The following GPM6A variants were observed in gnomAD, a reference collection of about 807,000 sequenced individuals.
GPM6A encodes the protein neuronal membrane glycoprotein M6-a.
In GPM6A, 7 loss-of-function variants were observed where a neutral mutation model predicts 32.1. That is an observed-to-expected ratio of 0.22 (90% CI 0.12 to 0.41). The LOEUF (loss-of-function observed/expected upper bound fraction) is 0.41, where lower values mean the gene tolerates loss of function less well. Ranked by LOEUF, GPM6A falls within the 10% of genes least tolerant of loss-of-function variation. The pLI is 1.00. For synonymous variants in GPM6A, 130 were observed against 123.4 expected, an observed-to-expected ratio of 1.05 and a Z score of -0.35; for missense variants, 235 against 347.2, an observed-to-expected ratio of 0.68 and a Z score of 2.57.
At chr4:175,992,207 A>T (rs1741172064) in intron 1 of GPM6A, among the ~76,000 whole-genome samples, 2 of 152,096 alleles carry the variant, frequency 1.3e-5, no homozygotes, top group African/African-American at 4.8e-5. Context: ...AATAATATAT[A>T]ATGAGTTACA....
At chr4:175,706,604 G>C (rs1745203856) in intron 1 of GPM6A, among the ~76,000 whole-genome samples, 1 of 152,190 alleles carries the variant, frequency 6.6e-6, no homozygotes, top group South Asian at 2.1e-4. Context: ...TCATTATCAA[G>C]TGTCCAGAGA....
chr4:175,823,911 C>T (rs17062106), intron 1 of GPM6A, among the ~76,000 whole-genome samples: 9,486 of 152,220 alleles, frequency 0.062, 348 homozygotes, highest in East Asian at 0.11. Context: ...TGGACTTCTC[C>T]CAATGGGCAA....
chr4:175,643,610 T>C (rs906307992), intron 4 of GPM6A, among the ~76,000 whole-genome samples: 5 of 152,052 alleles, frequency 3.3e-5, no homozygotes, highest in Admixed American at 6.6e-5. Flanking sequence ...TAGTCAGACA[T>C]GAGCAGAGCA....
chr4:175,913,766 G>T (rs2111512619), intron 1 of GPM6A, among the ~76,000 whole-genome samples: 1 of 152,150 alleles, frequency 6.6e-6, no homozygotes, highest in Non-Finnish European at 1.5e-5. Context: ...GGCCTACTCT[G>T]ACCACTATAT....
At chr4:175,840,569 G>C (rs1005154385) in intron 1 of GPM6A, among the ~76,000 whole-genome samples, 1 of 152,168 alleles carries the variant, frequency 6.6e-6, no homozygotes, top group African/African-American at 2.4e-5. Context: ...AGCTACTCGG[G>C]AGGCTGAGGC....
chr4:175,689,870 A>G (rs1267377013), intron 2 of GPM6A, among the ~76,000 whole-genome samples: 1 of 152,216 alleles, frequency 6.6e-6, no homozygotes, highest in Non-Finnish European at 1.5e-5. Flanking sequence ...GAGGTGAGAC[A>G]GAAACCAGTC....
intron 1 of GPM6A, among the ~76,000 whole-genome samples, chr4:175,770,742 C>T (rs1434685696): frequency 6.6e-6 from 1 of 152,146 alleles, no homozygotes; most frequent in Non-Finnish European, 1.5e-5. Context: ...GCAATTTCCT[C>T]AGCAGCATCT....
chr4:175,870,406 AG>A (rs1227278941), intron 1 of GPM6A, among the ~76,000 whole-genome samples: 8 of 152,190 alleles, frequency 5.3e-5, no homozygotes, highest in Admixed American at 4.6e-4. Flanking sequence ...TTCAACCATC[AG>A]GTTTCCTTTA....
chr4:175,794,784 T>C (rs1271705524), intron 1 of GPM6A, among the ~76,000 whole-genome samples: 1 of 152,154 alleles, frequency 6.6e-6, no homozygotes, highest in East Asian at 1.9e-4. Flanking sequence ...TGAGAGACTA[T>C]TTCAATGCTG....
At chr4:175,956,973 C>A (rs866156250) in intron 1 of GPM6A, among the ~76,000 whole-genome samples, 1 of 152,110 alleles carries the variant, frequency 6.6e-6, no homozygotes, top group African/African-American at 2.4e-5. Context: ...ACAGAAATTA[C>A]TCAATATTCT....
chr4:175,794,579 A>C (rs373160517), intron 1 of GPM6A, among the ~76,000 whole-genome samples: 37 of 152,356 alleles, frequency 2.4e-4, no homozygotes, highest in Admixed American at 9.8e-4. Flanking sequence ...TAGAAATAGA[A>C]AAAATGAAGC....
At chr4:175,652,548 T>C (rs1741869407) in intron 3 of GPM6A, among the ~76,000 whole-genome samples, 1 of 151,908 alleles carries the variant, frequency 6.6e-6, no homozygotes, top group African/African-American at 2.4e-5. Flanking sequence ...TGCATGTTAA[T>C]ATACATATTT....
chr4:175,853,504 CT>C (rs70962425), intron 1 of GPM6A, among the ~76,000 whole-genome samples: 200 of 137,606 alleles, frequency 1.5e-3, no homozygotes, highest in Admixed American at 2.4e-3. Context: ...CAAACAAGTT[CT>C]TTTTTTTTTT....
At chr4:175,690,655 G>A (rs1744244800) in intron 2 of GPM6A, among the ~76,000 whole-genome samples, 1 of 152,156 alleles carries the variant, frequency 6.6e-6, no homozygotes, top group Non-Finnish European at 1.5e-5. Context: ...AAGTAACACT[G>A]CCTTCTTCTC....
chr4:175,863,827 C>A (rs766454073), intron 1 of GPM6A, among the ~76,000 whole-genome samples: 17 of 152,018 alleles, frequency 1.1e-4, no homozygotes, highest in Admixed American at 2.0e-4. Flanking sequence ...CAAAGTGAAA[C>A]CCTGTCTCTA....
At chr4:175,707,793 T>A (rs772511036) in intron 1 of GPM6A, among the ~76,000 whole-genome samples, 14 of 152,230 alleles carry the variant, frequency 9.2e-5, no homozygotes, top group Non-Finnish European at 1.8e-4. Context: ...CTTATGCTTT[T>A]ACCATTAAGT....
chr4:175,735,804 C>T (rs1731636927), intron 1 of GPM6A, among the ~76,000 whole-genome samples: 1 of 152,106 alleles, frequency 6.6e-6, no homozygotes, highest in African/African-American at 2.4e-5. Context: ...TCATGATCTG[C>T]CCTCCTTGGC....
chr4:175,962,172 G>T, intron 1 of GPM6A: 1 of 1,001,226 alleles, frequency 1.0e-6, no homozygotes, highest in South Asian at 1.3e-5. Context: ...CAAGGTGATC[G>T]AGCACCTGCT....
chr4:175,705,944 A>T (rs1745164784), intron 1 of GPM6A, among the ~76,000 whole-genome samples: 1 of 152,164 alleles, frequency 6.6e-6, no homozygotes, highest in Non-Finnish European at 1.5e-5. Flanking sequence ...TCAAATAGGG[A>T]ATACTGAATT....
Sources: gnomAD v4.1 joint callset for allele counts (sites outside exome capture counted in the v4.1 genomes callset) on GRCh38, gnomAD v4.1.1 for gene constraint, MANE v1.5 for transcripts, NCBI Gene and HGNC (gene_info 2026-07-23, HGNC 2026-07-21) for gene names.